The following RNF14 variants were observed in gnomAD, a reference collection of about 807,000 sequenced individuals.
RNF14 encodes the protein ring finger protein 14, also known as E3 ubiquitin-protein ligase RNF14.
In RNF14, 26 loss-of-function variants were observed where a neutral mutation model predicts 52.6. That is an observed-to-expected ratio of 0.49 (90% CI 0.36 to 0.69). RNF14 has a LOEUF of 0.69. RNF14 is among the 30% of genes least tolerant of loss of function. The pLI is 0.00. For missense variants in RNF14, 404 were observed against 560.4 expected (o/e 0.72, Z 2.82); for synonymous variants, 194 against 202.0 (o/e 0.96, Z 0.34).
Position 141,983,423 on chromosome 5 carries a change from G to A in RNF14, c.1107G>A (p.Glu369=). The A allele has an allele frequency of 6.2e-7, 1 of 1,613,676 alleles. No homozygotes were observed. Among genetic ancestry groups the A allele is most frequent in the Non-Finnish European group, 8.5e-7 (1 of 1,179,856 alleles). ...DLRNEYLQAD[E]ANKRLLDQRY... is the part of the protein sequence containing the mutation. ...GAAATGAATACCTGCAAGCGGATGA[G>A]GCTAATAAAAGACTTTTGGATCAAA... The change falls in exon 7 of 9, where the codon GAG becomes GAA. Residue 369 remains glutamate (E), a synonymous_variant. Transcript: ENST00000394520.
chr5:141,957,993 A>G (rs1201149975), upstream of RNF14: 3 of 948,604 alleles, frequency 3.2e-6, no homozygotes, highest in Non-Finnish European at 4.6e-6. This position sits in a 1 kb window ranked among gnomAD's most constrained non-coding sequence, Gnocchi z 4.3. Context: ...CCATAGTTAG[A>G]TGATTATGAA....
At chr5:141,955,118 G>A (rs574087581), upstream of RNF14, 165 of 1,614,216 alleles carry the variant, frequency 1.0e-4, no homozygotes, top group South Asian at 7.0e-4. This position sits in a 1 kb window ranked among gnomAD's most constrained non-coding sequence, Gnocchi z 5.5. Flanking sequence ...TGTCGCTGCC[G>A]TCTCAGGGTT....
In RNF14 at chr5:141,984,953, C is replaced by T; in HGVS notation, c.1367+20C>T. ...TAACCGGTATGTATACACAGAATTC[C>T]TCAGGCTCACCAGCAATTTTTGGTA... On this transcript the variant is annotated intron_variant, in intron 8 of 8. Coordinates refer to ENST00000394520, the MANE Select transcript of RNF14 (RefSeq NM_004290.5). 3.1e-6 allele frequency: 5 copies of T among 1,597,024 alleles called. No homozygotes were observed. The highest frequency in any genetic ancestry group is 4.3e-6 in the Non-Finnish European group (5 of 1,167,078).
upstream of RNF14, among the ~76,000 whole-genome samples, chr5:141,965,908 T>C (rs555521197): frequency 1.5e-4 from 23 of 150,300 alleles, no homozygotes; most frequent in African/African-American, 5.2e-4. Context: ...AAATAATCTG[T>C]ACAACAAACC....
At chr5:141,981,286 AAT>A (rs1661853050) in intron 6 of RNF14, among the ~76,000 whole-genome samples, 2 of 152,260 alleles carry the variant, frequency 1.3e-5, no homozygotes, top group African/African-American at 4.8e-5. Context: ...TGTCAAATCT[AAT>A]AAAAATTTAG....
At chr5:141,982,646 A>G (rs1206210099) in intron 6 of RNF14, 1 of 152,278 alleles carries the variant, frequency 6.6e-6, no homozygotes, top group Admixed American at 6.5e-5. Context: ...ATAGAGCAGT[A>G]GAAGCCAGAT....
At chr5:141,953,824 C>G (rs998729969), upstream of RNF14, among the ~76,000 whole-genome samples, 1 of 152,220 alleles carries the variant, frequency 6.6e-6, no homozygotes, top group Non-Finnish European at 1.5e-5. Flanking sequence ...AGGTGGCTTC[C>G]TGAGGAGGGA....
chr5:141,960,834 G>C (rs1753269085), intron 1 of RNF14, among the ~76,000 whole-genome samples: 2 of 152,224 alleles, frequency 1.3e-5, no homozygotes, highest in African/African-American at 4.8e-5. Context: ...GAACAGAGAA[G>C]AGGGAGGGAG....
chr5:141,962,939 G>A (rs1342971779), upstream of RNF14, among the ~76,000 whole-genome samples: 5 of 152,020 alleles, frequency 3.3e-5, no homozygotes, highest in East Asian at 1.9e-4. Flanking sequence ...CAACTTCATC[G>A]AGAACCACCT....
At chr5:141,955,274 G>T, upstream of RNF14, 3 of 1,614,184 alleles carry the variant, frequency 1.9e-6, no homozygotes, top group Non-Finnish European at 2.5e-6. This position sits in a 1 kb window ranked among gnomAD's most constrained non-coding sequence, Gnocchi z 5.5. Context: ...AGGTTCTCCC[G>T]GGAGGCATTC....
chr5:141,979,189 T>C (rs941153043), intron 5 of RNF14, among the ~76,000 whole-genome samples: 3 of 152,180 alleles, frequency 2.0e-5, no homozygotes, highest in African/African-American at 7.2e-5. Flanking sequence ...TAACCAACTT[T>C]TTTATAGACT....
chr5:141,978,867 C>A (rs866996940), intron 5 of RNF14, 37 bp downstream of exon 5: 9 of 1,593,682 alleles, frequency 5.6e-6, no homozygotes, highest in Middle Eastern at 3.4e-4. Flanking sequence ...CCTCCTAATT[C>A]TCTTCCATAA....
chr5:141,949,619 A>G, the RNF14 span: 1 of 1,599,596 alleles, frequency 6.3e-7, no homozygotes, highest in African/African-American at 1.3e-5. Flanking sequence ...GGGTAGGGAC[A>G]TTCCCATATA....
intron 4 of RNF14, among the ~76,000 whole-genome samples, chr5:141,976,800 T>C (rs1361775226): frequency 1.8e-5 from 1 of 55,732 alleles, no homozygotes; most frequent in East Asian, 7.2e-4. Context: ...TTTTTTTTTT[T>C]TTTTTTGAGA....
chr5:141,955,952 G>C, upstream of RNF14: 16 of 1,614,182 alleles, frequency 9.9e-6, no homozygotes, highest in Non-Finnish European at 1.4e-5. The surrounding 1 kb of genome is among the most constrained non-coding windows in gnomAD (Gnocchi z 5.5). Context: ...CTGTAGAGGG[G>C]CTCTCCATTT....
chr5:141,974,266 G>A (rs1178906046), intron 3 of RNF14, among the ~76,000 whole-genome samples: 1 of 152,228 alleles, frequency 6.6e-6, no homozygotes, highest in Non-Finnish European at 1.5e-5. Context: ...ATTGAGTAAG[G>A]AAAGTAAGTG....
chr5:141,960,946 G>C (rs1195296625), intron 1 of RNF14, among the ~76,000 whole-genome samples: 3 of 152,114 alleles, frequency 2.0e-5, no homozygotes, highest in Admixed American at 6.5e-5. Context: ...GGCAGGGACC[G>C]GGGACAGCCA....
chr5:141,987,008 A>G lies in RNF14; in HGVS notation c.1368-725A>G, dbSNP rs571049598. 2.6e-5 allele frequency among the ~76,000 whole-genome samples: 4 copies of G among 152,200 alleles called. 1 individual carries two copies. The South Asian group carries it at 8.3e-4, about 32-fold the overall frequency. ...CATCCTCCATAGACTGGCTAGAACC[A>G]CTCCATGGTCAGTGGTCTATTGGCA... is the stretch of plus-strand genomic sequence containing the variant. On this transcript the variant is annotated intron_variant, in intron 8 of 8. Coordinates refer to ENST00000394520, the MANE Select transcript of RNF14 (RefSeq NM_004290.5).
chr5:141,965,582 T>G (rs1012869360), upstream of RNF14, among the ~76,000 whole-genome samples: 3 of 152,222 alleles, frequency 2.0e-5, no homozygotes, highest in Non-Finnish European at 4.4e-5. Context: ...CAAAAAACCC[T>G]TATTCTCTGA....
Sources: gnomAD v4.1 joint callset for allele counts (sites outside exome capture counted in the v4.1 genomes callset) on GRCh38, gnomAD v4.1.1 for gene constraint, Gnocchi (gnomAD v3.1) non-coding constraint, MANE v1.5 for transcripts, NCBI Gene and HGNC (gene_info 2026-07-23, HGNC 2026-07-21) for gene names.